Variants in PTPRZ1 observed in about 807,000 individuals in gnomAD.
PTPRZ1 encodes receptor-type tyrosine-protein phosphatase zeta.
PTPRZ1 carries 82 observed loss-of-function variants against 214.1 expected under a neutral mutation model. That is an observed-to-expected ratio of 0.38 (90% CI 0.32 to 0.46). The LOEUF is 0.46. PTPRZ1 is among the 20% of genes least tolerant of loss of function. PTPRZ1 has a pLI of 1.00. For missense variants in PTPRZ1, 2,603 were observed against 2,748.7 expected, an observed-to-expected ratio of 0.95 and a Z score of 1.19; for synonymous variants, 945 against 987.9, an observed-to-expected ratio of 0.96 and a Z score of 0.81.
chr7:121,928,146 T>A lies in PTPRZ1; in HGVS notation c.59-10T>A. The A allele has an allele frequency of 6.2e-7, 1 of 1,606,794 alleles. No homozygotes were observed. Among genetic ancestry groups the A allele is most frequent in the Non-Finnish European group, 8.5e-7 (1 of 1,174,536 alleles). On this transcript the variant is annotated splice_polypyrimidine_tract_variant and intron_variant, in intron 1 of 29. Coordinates refer to ENST00000393386, the MANE Select transcript of PTPRZ1 (RefSeq NM_002851.3). ...CTACATACTGATTACTTGGTTTTTCTTTTTTATAGATTGGGCTAATGGATA... is the reference window on the plus strand; with the variant it reads ...CTACATACTGATTACTTGGTTTTTCATTTTTATAGATTGGGCTAATGGATA...
intron 22 of PTPRZ1, 139 bp downstream of exon 22, chr7:122,042,882 T>C: frequency 1.1e-6 from 1 of 896,758 alleles, no homozygotes; most frequent in Non-Finnish European, 1.7e-6. Flanking sequence ...TATTGTCTCA[T>C]AGTTCTGATG....
chr7:121,921,550 ACTTATT>A (rs1193779997), intron 1 of PTPRZ1, among the ~76,000 whole-genome samples: 1 of 152,074 alleles, frequency 6.6e-6, no homozygotes, highest in Non-Finnish European at 1.5e-5. Context: ...ATCTCTTTAA[ACTTATT>A]CTTAAATAAA....
At chr7:121,914,366 A>G (rs894470696) in intron 1 of PTPRZ1, among the ~76,000 whole-genome samples, 2 of 152,204 alleles carry the variant, frequency 1.3e-5, no homozygotes, top group African/African-American at 4.8e-5. Flanking sequence ...AATTTGTATT[A>G]CAAAGGTGCA....
intron 1 of PTPRZ1, among the ~76,000 whole-genome samples, chr7:121,898,255 G>A (rs946967279): frequency 9.6e-6 from 1 of 104,182 alleles, no homozygotes; most frequent in African/African-American, 5.7e-5. Context: ...GTAGAATAAT[G>A]TGATGGGTTT....
At chr7:121,968,599 G>A (rs1449206146) in intron 3 of PTPRZ1, among the ~76,000 whole-genome samples, 1 of 149,860 alleles carries the variant, frequency 6.7e-6, no homozygotes, top group Non-Finnish European at 1.5e-5. Context: ...CCATCCTTAG[G>A]AAACCCTCTC....
intron 1 of PTPRZ1, among the ~76,000 whole-genome samples, chr7:121,918,786 G>A (rs1795498336): frequency 6.6e-6 from 1 of 151,140 alleles, no homozygotes; most frequent in South Asian, 2.1e-4. Context: ...TTACATTTCT[G>A]TATATATGTA....
At chr7:121,921,833 T>C (rs998359062) in intron 1 of PTPRZ1, among the ~76,000 whole-genome samples, 3 of 152,288 alleles carry the variant, frequency 2.0e-5, no homozygotes, top group African/African-American at 7.2e-5. Context: ...ACACCTGAAG[T>C]GGTTAACAGT....
At chr7:121,923,472 AGT>A (rs1294935361) in intron 1 of PTPRZ1, among the ~76,000 whole-genome samples, 1 of 152,112 alleles carries the variant, frequency 6.6e-6, no homozygotes, top group Non-Finnish European at 1.5e-5. Context: ...TCCCTATTAC[AGT>A]AATATTTTGG....
chr7:122,014,198 C>T (rs775884721), intron 12 of PTPRZ1, among the ~76,000 whole-genome samples: 6 of 152,076 alleles, frequency 3.9e-5, no homozygotes, highest in Non-Finnish European at 7.4e-5. Flanking sequence ...TTGCATAATA[C>T]ATTTTTAGTA....
chr7:121,876,830 G>T (rs2116137971), intron 1 of PTPRZ1, among the ~76,000 whole-genome samples: 2 of 152,238 alleles, frequency 1.3e-5, no homozygotes, highest in Middle Eastern at 6.8e-3. Context: ...AGAGATTCAA[G>T]ATCTTGCTTA....
In PTPRZ1 at chr7:122,028,626, C is replaced by G; in HGVS notation, c.5063C>G (p.Pro1688Arg). 6.5e-7 allele frequency: 1 copy of G among 1,534,812 alleles called. No homozygotes were observed. The highest frequency in any genetic ancestry group is 9.0e-7 in the Non-Finnish European group (1 of 1,108,400). The change falls in exon 14 of 30, where the codon CCT (proline) becomes CGT (arginine). Residue 1688 changes from proline to arginine, a missense_variant. Physicochemically the swap from Pro to Arg is moderately radical, Grantham distance 103. Around this residue, in one of 6 missense-constraint regions of PTPRZ1, gnomAD observed 1,913 missense variants for 1,914.3 expected, o/e 1.00. Coordinates refer to ENST00000393386, the MANE Select transcript of PTPRZ1 (RefSeq NM_002851.3). ...SPRVISTPPT[P>R]IFPISDDVGA... is the part of the protein sequence containing the mutation. Reference sequence around the variant, plus strand: ...AGAGTTATATCCACACCTCCAACACCTATCTTTCCAATTTCAGGTAATGGC... The same window carrying G: ...AGAGTTATATCCACACCTCCAACACGTATCTTTCCAATTTCAGGTAATGGC...
At chr7:122,040,776 GTGTGTGTT>G (rs771453951) in intron 20 of PTPRZ1, 32 bp from the exon 21 acceptor site, 6 of 994,340 alleles carry the variant, frequency 6.0e-6, no homozygotes, top group Middle Eastern at 3.4e-4. Context: ...GTGTGTGTGT[GTGTGTGTT>G]TGACTGTTAT....
chr7:122,020,828 C>CTT (rs76417252), intron 13 of PTPRZ1, among the ~76,000 whole-genome samples: 49 of 116,798 alleles, frequency 4.2e-4, no homozygotes, highest in Middle Eastern at 4.1e-3. Context: ...GCCAAAGATT[C>CTT]TTTTTTTTTT....
chr7:121,975,123 G>A (rs1409490229), intron 4 of PTPRZ1, among the ~76,000 whole-genome samples: 4 of 152,112 alleles, frequency 2.6e-5, no homozygotes, highest in Non-Finnish European at 5.9e-5. Context: ...TGAGGTCAAC[G>A]CTGCAATGAG....
chr7:121,958,581 T>C (rs1442077264), intron 2 of PTPRZ1, among the ~76,000 whole-genome samples: 1 of 152,224 alleles, frequency 6.6e-6, no homozygotes, highest in African/African-American at 2.4e-5. Flanking sequence ...CCCAGACCAG[T>C]GCCTCCCAGA....
At chr7:122,047,268 A>G (rs184830208) in intron 23 of PTPRZ1, among the ~76,000 whole-genome samples, 64 of 152,316 alleles carry the variant, frequency 4.2e-4, no homozygotes, top group African/African-American at 1.4e-3. Context: ...CAATTATATA[A>G]CTCTTAAAAA....
At chr7:122,043,916 T>A (rs967628198) in intron 22 of PTPRZ1, among the ~76,000 whole-genome samples, 1 of 152,058 alleles carries the variant, frequency 6.6e-6, no homozygotes, top group African/African-American at 2.4e-5. Context: ...GAACTTAAAA[T>A]AAACATTAAA....
intron 1 of PTPRZ1, among the ~76,000 whole-genome samples, chr7:121,915,293 T>G (rs371591251): frequency 8.9e-4 from 136 of 152,310 alleles, no homozygotes; most frequent in African/African-American, 3.1e-3. Flanking sequence ...AGGGGTCTGG[T>G]GGAGGTCCTC....
At chr7:121,908,541 A>T (rs1438025831) in intron 1 of PTPRZ1, 1 of 336,060 alleles carries the variant, frequency 3.0e-6, no homozygotes, top group Non-Finnish European at 5.7e-6. Context: ...AGATGTTCAT[A>T]CTCCAGTCTT....
Sources: gnomAD v4.1 joint callset for allele counts (sites outside exome capture counted in the v4.1 genomes callset) on GRCh38, gnomAD v4.1.1 for gene constraint, gnomAD v4.1.1 regional missense constraint, MANE v1.5 for transcripts, NCBI Gene and HGNC (gene_info 2026-07-23, HGNC 2026-07-21) for gene names.